Variants in FER observed in about 807,000 individuals in gnomAD.
FER encodes the protein FER tyrosine kinase.
Under a neutral mutation model 111.0 loss-of-function variants are expected in FER, and 63 were observed. That is an observed-to-expected ratio of 0.57 (90% CI 0.46 to 0.70). The LOEUF (loss-of-function observed/expected upper bound fraction) is 0.70. Among genes scored for constraint, FER ranks in the 30% least tolerant of loss-of-function variants. FER has a pLI of 0.00. For missense variants in FER, 914 were observed against 954.0 expected (o/e 0.96, Z 0.55); for synonymous variants, 327 against 313.9 (o/e 1.04, Z -0.44).
chr5:108,894,590 A>G (rs10058035), intron 9 of FER: 69,233 of 382,706 alleles, frequency 0.18, 6,854 homozygotes, highest in African/African-American at 0.27. Context: ...CCACGACCAC[A>G]TGCTTGCCCT....
At chr5:108,881,803 G>T (rs1157740482) in intron 8 of FER, among the ~76,000 whole-genome samples, 1 of 151,926 alleles carries the variant, frequency 6.6e-6, no homozygotes, top group Non-Finnish European at 1.5e-5. Context: ...CATCATGAGG[G>T]CCCCACCTTC....
intron 2 of FER, chr5:108,785,367 G>A: frequency 1.7e-6 from 1 of 581,980 alleles, no homozygotes; most frequent in Non-Finnish European, 3.4e-6. Context: ...ATGGGCCCCA[G>A]CATCAAGATC....
intron 13 of FER, among the ~76,000 whole-genome samples, chr5:108,971,429 A>G (rs944757408): frequency 6.6e-6 from 1 of 152,144 alleles, no homozygotes; most frequent in Non-Finnish European, 1.5e-5. Flanking sequence ...ATTTAGCTGT[A>G]AGCTTCCTGG....
At chr5:108,824,435 A>C (rs191487777) in intron 3 of FER, among the ~76,000 whole-genome samples, 1 of 152,088 alleles carries the variant, frequency 6.6e-6, no homozygotes, top group Non-Finnish European at 1.5e-5. Context: ...ATGAACGTAA[A>C]CATATTTTCC....
chr5:109,010,533 C>A (rs1298276719), intron 13 of FER, among the ~76,000 whole-genome samples: 2 of 152,052 alleles, frequency 1.3e-5, no homozygotes, highest in Non-Finnish European at 2.9e-5. Context: ...TATTTATAAT[C>A]GTCTCCAAGG....
chr5:109,086,077 C>A (rs1414802947), intron 16 of FER, among the ~76,000 whole-genome samples: 1 of 151,644 alleles, frequency 6.6e-6, no homozygotes, highest in African/African-American at 2.4e-5. Context: ...ATTTTCTTCT[C>A]CTTTTCTAAG....
chr5:108,781,854 G>A (rs570717903), intron 2 of FER, among the ~76,000 whole-genome samples: 52 of 151,982 alleles, frequency 3.4e-4, no homozygotes, highest in African/African-American at 1.3e-3. Context: ...ACCTTATTAA[G>A]AACAGAATGT....
At chr5:109,154,867 CAAAT>C (rs1053212114) in intron 17 of FER, among the ~76,000 whole-genome samples, 2 of 151,812 alleles carry the variant, frequency 1.3e-5, no homozygotes, top group Admixed American at 1.3e-4. Flanking sequence ...GCTATAATAA[CAAAT>C]AAATACTACA....
At chr5:108,833,136 T>C (rs1760224602) in intron 4 of FER, among the ~76,000 whole-genome samples, 193 bp downstream of exon 4, 1 of 152,184 alleles carries the variant, frequency 6.6e-6, no homozygotes, top group African/African-American at 2.4e-5. Flanking sequence ...TATATACTCC[T>C]ATGAAAGAAA....
At chr5:109,181,115 CT>C (rs1290980498) in intron 18 of FER, among the ~76,000 whole-genome samples, 2 of 151,938 alleles carry the variant, frequency 1.3e-5, no homozygotes, top group African/African-American at 4.8e-5. Context: ...GATATAAGTA[CT>C]TTTAAATATG....
At chr5:109,026,659 C>T (rs1213456382) in intron 13 of FER, among the ~76,000 whole-genome samples, 2 of 152,062 alleles carry the variant, frequency 1.3e-5, no homozygotes, top group East Asian at 1.9e-4. Context: ...CTCTGAGAAT[C>T]ATCTTATGTA....
At chr5:109,114,801 C>T (rs1582092540) in intron 17 of FER, among the ~76,000 whole-genome samples, 1 of 152,086 alleles carries the variant, frequency 6.6e-6, no homozygotes, top group East Asian at 1.9e-4. Flanking sequence ...CTTTAATTTT[C>T]CTTTGAGACT....
intron 17 of FER, among the ~76,000 whole-genome samples, chr5:109,118,362 G>A (rs1479401440): frequency 1.3e-5 from 2 of 152,180 alleles, no homozygotes; most frequent in Non-Finnish European, 1.5e-5. Context: ...AAGCCCACTT[G>A]ATCATGGTGG....
chr5:108,999,865 G>A (rs1764494135), intron 13 of FER, among the ~76,000 whole-genome samples: 1 of 151,742 alleles, frequency 6.6e-6, no homozygotes, highest in Non-Finnish European at 1.5e-5. Flanking sequence ...CTTCAATGTG[G>A]GATTATGGAT....
intron 9 of FER, among the ~76,000 whole-genome samples, chr5:108,896,083 G>A (rs554200980): frequency 9.9e-5 from 15 of 151,772 alleles, no homozygotes; most frequent in East Asian, 7.7e-4. Flanking sequence ...CTGATATTCC[G>A]GAAGTACATG....
At chr5:108,995,458 T>G (rs1426504393) in intron 13 of FER, among the ~76,000 whole-genome samples, 1 of 150,234 alleles carries the variant, frequency 6.7e-6, no homozygotes, top group African/African-American at 2.5e-5. Flanking sequence ...GATGTTCCCC[T>G]TCCTATGTAC....
intron 5 of FER, among the ~76,000 whole-genome samples, chr5:108,852,451 C>G (rs1207881908): frequency 6.6e-6 from 1 of 152,056 alleles, no homozygotes; most frequent in East Asian, 1.9e-4. Context: ...TTTGAGGTCA[C>G]CAAGAATGGC....
At chr5:108,886,443 A>G (rs1373967459) in intron 9 of FER, among the ~76,000 whole-genome samples, 1 of 149,178 alleles carries the variant, frequency 6.7e-6, no homozygotes, top group African/African-American at 2.4e-5. Flanking sequence ...AACATACATA[A>G]ACATATATGT....
chr5:109,055,600 C>T (rs977641956), intron 16 of FER, among the ~76,000 whole-genome samples: 70 of 151,584 alleles, frequency 4.6e-4, no homozygotes, highest in African/African-American at 1.5e-3. Context: ...GCCTGGGCAA[C>T]GTAGTGAGAT....
Sources: gnomAD v4.1 joint callset for allele counts (sites outside exome capture counted in the v4.1 genomes callset) on GRCh38, gnomAD v4.1.1 for gene constraint, MANE v1.5 for transcripts, NCBI Gene and HGNC (gene_info 2026-07-23, HGNC 2026-07-21) for gene names.